The following SMPX variants were observed in gnomAD, a reference collection of about 807,000 sequenced individuals.
SMPX encodes small muscular protein.
A neutral mutation model predicts 6.3 loss-of-function variants in SMPX; 2 were observed. The observed-to-expected ratio is 0.32, with a 90% confidence interval of 0.13 to 0.99. SMPX has a LOEUF of 0.99. Among genes scored for constraint, SMPX ranks in the 50% least tolerant of loss-of-function variants. The pLI is 0.49. For missense variants in SMPX, 60 were observed against 66.8 expected (o/e 0.90, Z 0.36); for synonymous variants, 32 against 24.7 (o/e 1.30, Z -0.88).
At chrX:21,711,809 C>T (rs1310606758) in intron 4 of SMPX, among the ~76,000 whole-genome samples, 1 of 111,992 alleles carries the variant, frequency 8.9e-6, no homozygotes, top group Non-Finnish European at 1.9e-5. Flanking sequence ...CAGTGACACT[C>T]GAAAGTACTT....
chrX:21,721,512 C>T (rs546741620), intron 4 of SMPX, among the ~76,000 whole-genome samples: 2 of 112,508 alleles, frequency 1.8e-5, no homozygotes, highest in Admixed American at 1.9e-4. Context: ...AGATTTCAGT[C>T]TAGTTCATCA....
intron 4 of SMPX, among the ~76,000 whole-genome samples, chrX:21,734,851 A>C (rs1175660422): frequency 1.8e-5 from 2 of 111,845 alleles, no homozygotes; most frequent in Non-Finnish European, 3.8e-5. Flanking sequence ...CATGGAAAGA[A>C]TCTGAAATCC....
At chrX:21,741,664 G>A (rs1472724663) in intron 3 of SMPX, among the ~76,000 whole-genome samples, 1 of 111,210 alleles carries the variant, frequency 9.0e-6, no homozygotes, top group Non-Finnish European at 1.9e-5. Flanking sequence ...CTGCTTTTAT[G>A]GTAAAGAAAT....
At chrX:21,742,982 C>T (rs1009433055) in intron 3 of SMPX, among the ~76,000 whole-genome samples, 2 of 111,886 alleles carry the variant, frequency 1.8e-5, no homozygotes, top group East Asian at 5.6e-4. Flanking sequence ...AGAATCAGAC[C>T]TTCCAGGTTT....
intron 4 of SMPX, chrX:21,733,690 C>T (rs370493297): frequency 5.0e-5 from 16 of 321,155 alleles, no homozygotes; most frequent in Non-Finnish European, 6.6e-5. Context: ...GTAATTGATG[C>T]GTCATTACCA....
At chrX:21,709,440 G>T (rs919512441) in intron 4 of SMPX, among the ~76,000 whole-genome samples, 23 of 112,334 alleles carry the variant, frequency 2.0e-4, no homozygotes, top group African/African-American at 7.4e-4. Flanking sequence ...CACTAGGCTA[G>T]GATCTTTTAA....
chrX:21,715,303 T>TGTGTGTGTGCGC (rs1175730294), intron 4 of SMPX, among the ~76,000 whole-genome samples: 82 of 86,063 alleles, frequency 9.5e-4, no homozygotes, highest in African/African-American at 4.7e-3. Flanking sequence ...TGTGTGTGTG[T>TGTGTGTGTGCGC]GCGCGCACGC....
intron 4 of SMPX, among the ~76,000 whole-genome samples, chrX:21,717,060 T>C (rs894843115): frequency 1.4e-4 from 16 of 112,042 alleles, no homozygotes; most frequent in African/African-American, 4.9e-4. Context: ...GTTTACAATA[T>C]AAATCTTTCT....
intron 2 of SMPX, among the ~76,000 whole-genome samples, chrX:21,747,619 ATCT>A (rs2092822864): frequency 9.0e-6 from 1 of 111,375 alleles, no homozygotes; most frequent in Admixed American, 9.5e-5. Flanking sequence ...ATGGAATGAC[ATCT>A]TCTTTCCCCA....
chrX:21,731,653 AGT>A (rs1278114687), intron 4 of SMPX, among the ~76,000 whole-genome samples: 2 of 93,486 alleles, frequency 2.1e-5, no homozygotes, highest in African/African-American at 8.0e-5. Flanking sequence ...TGTACACATA[AGT>A]GTGTATGTGT....
intron 3 of SMPX, among the ~76,000 whole-genome samples, chrX:21,739,186 C>G (rs2092813685): frequency 8.9e-6 from 1 of 111,733 alleles, no homozygotes; most frequent in African/African-American, 3.3e-5. Flanking sequence ...CTGTCTGGAT[C>G]CTATGTCTAG....
chrX:21,734,651 C>A (rs886866132), intron 4 of SMPX, among the ~76,000 whole-genome samples: 1 of 111,448 alleles, frequency 9.0e-6, no homozygotes. Flanking sequence ...ATTCCTGTGT[C>A]TTTTGGCTTT....
chrX:21,724,894 G>A (rs2092795308), intron 4 of SMPX, among the ~76,000 whole-genome samples: 1 of 111,940 alleles, frequency 8.9e-6, no homozygotes, highest in Non-Finnish European at 1.9e-5. Context: ...AAGGATTTCG[G>A]AATTCTTAAA....
intron 4 of SMPX, among the ~76,000 whole-genome samples, chrX:21,716,774 GA>G (rs2147374133): frequency 9.0e-6 from 1 of 111,532 alleles, no homozygotes; most frequent in African/African-American, 3.3e-5. Flanking sequence ...AAATTACATG[GA>G]AAAGGGGCTT....
At chrX:21,711,622 G>A (rs750900786) in intron 4 of SMPX, among the ~76,000 whole-genome samples, 24 of 111,830 alleles carry the variant, frequency 2.1e-4, no homozygotes, top group East Asian at 2.8e-4. Flanking sequence ...TGATGTTTAC[G>A]CCTTGCTGTG....
chrX:21,746,458 A>C (rs2092821491), intron 2 of SMPX, among the ~76,000 whole-genome samples: 2 of 111,333 alleles, frequency 1.8e-5, no homozygotes, highest in Admixed American at 1.9e-4. Context: ...CCAGCTCTAA[A>C]ATTCTCTAAA....
At chrX:21,752,738 C>T (rs1185765347) in intron 2 of SMPX, among the ~76,000 whole-genome samples, 3 of 111,097 alleles carry the variant, frequency 2.7e-5, no homozygotes, top group Non-Finnish European at 5.7e-5. Context: ...AGGATGGTCT[C>T]GATCTCCCAA....
At chrX:21,732,650 G>A (rs2092806242) in intron 4 of SMPX, among the ~76,000 whole-genome samples, 1 of 112,179 alleles carries the variant, frequency 8.9e-6, no homozygotes, top group Non-Finnish European at 1.9e-5. Flanking sequence ...ATGTAAACAA[G>A]AAAACCAATA....
chrX:21,731,828 C>T (rs867429994), intron 4 of SMPX, among the ~76,000 whole-genome samples: 2 of 58,272 alleles, frequency 3.4e-5, no homozygotes, highest in Non-Finnish European at 5.9e-5. Flanking sequence ...TATATATACA[C>T]ATTATATATA....
Sources: gnomAD v4.1 joint callset for allele counts (sites outside exome capture counted in the v4.1 genomes callset) on GRCh38, gnomAD v4.1.1 for gene constraint, MANE v1.5 for transcripts, NCBI Gene and HGNC (gene_info 2026-07-23, HGNC 2026-07-21) for gene names.